Variants in NBEA observed in about 807,000 individuals in gnomAD.
The protein encoded by NBEA is neurobeachin, also known as lysosomal-trafficking regulator 2.
Under a neutral mutation model 343.4 loss-of-function variants are expected in NBEA, and 44 were observed. That is an observed-to-expected ratio of 0.13 (90% CI 0.10 to 0.16). NBEA has a LOEUF of 0.16. NBEA is among the 10% of genes least tolerant of loss of function. The pLI, the probability that NBEA is intolerant of heterozygous loss-of-function variation, is 1.00. For synonymous variants in NBEA, 1,175 were observed against 1,238.7 expected, an observed-to-expected ratio of 0.95 and a Z score of 1.08; for missense variants, 2,555 against 3,631.3, an observed-to-expected ratio of 0.70 and a Z score of 7.62.
At chr13:35,022,969 A>G (rs886371506) in intron 1 of NBEA, among the ~76,000 whole-genome samples, 1 of 152,184 alleles carries the variant, frequency 6.6e-6, no homozygotes, top group Admixed American at 6.5e-5. Flanking sequence ...AGAAATTAAT[A>G]ACTCAAGAGC....
In NBEA at chr13:35,372,260, G is replaced by T. The variant is rs557766059; in HGVS notation, c.6179+19937G>T. On this transcript the variant is annotated intron_variant, in intron 38 of 58. Transcript: ENST00000379939. The stretch of plus-strand genomic sequence containing the variant: ...GTTGTCTATGCTAGCATTGGCGGTG[G>T]CTGTGACAGGCTGGGTAGGCCTGTC... Among the ~76,000 whole-genome samples the T allele has an allele frequency of 2.6e-5, 4 of 152,300 alleles. No individual in the cohort carries two copies. In the South Asian group the frequency reaches 8.3e-4, roughly 32 times the overall value.
intron 34 of NBEA, among the ~76,000 whole-genome samples, chr13:35,283,061 A>G (rs1022762779): frequency 1.3e-5 from 2 of 152,148 alleles, no homozygotes; most frequent in Non-Finnish European, 2.9e-5. Context: ...TTCAGCTCAT[A>G]TTAAAATCAG....
At chr13:35,362,415 AATT>A (rs2040860119) in intron 38 of NBEA, among the ~76,000 whole-genome samples, 1 of 151,982 alleles carries the variant, frequency 6.6e-6, no homozygotes, top group Admixed American at 6.6e-5. Flanking sequence ...AAAGATTATG[AATT>A]ATTAAGATGA....
intron 41 of NBEA, chr13:35,475,859 G>A (rs1472830161): frequency 6.2e-7 from 1 of 1,614,120 alleles, no homozygotes; most frequent in Non-Finnish European, 8.5e-7. Context: ...CAGCCGGGCA[G>A]TGAGCCATCG....
At chr13:35,523,979 G>A (rs1345832102) in intron 41 of NBEA, among the ~76,000 whole-genome samples, 1 of 151,564 alleles carries the variant, frequency 6.6e-6, no homozygotes, top group East Asian at 1.9e-4. Context: ...AACTTACATT[G>A]GCTTTCTATT....
intron 38 of NBEA, among the ~76,000 whole-genome samples, chr13:35,364,268 G>C (rs981130768): frequency 6.6e-6 from 1 of 151,738 alleles, no homozygotes; most frequent in East Asian, 1.9e-4. Flanking sequence ...TAGTCTATCA[G>C]CAAGTCCAAC....
chr13:35,518,343 T>G (rs1264405039), intron 41 of NBEA, among the ~76,000 whole-genome samples: 1 of 152,232 alleles, frequency 6.6e-6, no homozygotes, highest in Non-Finnish European at 1.5e-5. Flanking sequence ...TAGGTACTAT[T>G]TATCCCCATT....
chr13:34,970,852 T>C (rs183148014), intron 1 of NBEA, among the ~76,000 whole-genome samples: 24 of 152,298 alleles, frequency 1.6e-4, no homozygotes, highest in Admixed American at 1.4e-3. Flanking sequence ...CTCTGGCTAT[T>C]CAGGCTCTTT....
intron 18 of NBEA, among the ~76,000 whole-genome samples, chr13:35,153,771 T>C (rs1456488296): frequency 6.6e-6 from 1 of 152,192 alleles, no homozygotes; most frequent in Non-Finnish European, 1.5e-5. Context: ...ACTTTAACTA[T>C]CACGGGAGAG....
At chr13:35,155,085 G>A (rs1192584548) in intron 18 of NBEA, among the ~76,000 whole-genome samples, 1 of 137,694 alleles carries the variant, frequency 7.3e-6, no homozygotes, top group Non-Finnish European at 1.5e-5. Context: ...AGCCATGATT[G>A]TGCCGCTGCA....
chr13:35,232,980 A>C (rs893221461), intron 34 of NBEA, among the ~76,000 whole-genome samples: 4 of 152,108 alleles, frequency 2.6e-5, no homozygotes, highest in African/African-American at 9.7e-5. Context: ...TGCACCTTTA[A>C]GTGATTTTTC....
At chr13:34,947,518 A>G (rs1040077478) in intron 1 of NBEA, among the ~76,000 whole-genome samples, 3 of 152,136 alleles carry the variant, frequency 2.0e-5, no homozygotes, top group Admixed American at 6.5e-5. Context: ...TATACTGAAC[A>G]TATTGTTATG....
chr13:35,470,472 C>T (rs189567394), intron 40 of NBEA, among the ~76,000 whole-genome samples: 2 of 152,060 alleles, frequency 1.3e-5, no homozygotes, highest in South Asian at 2.1e-4. Flanking sequence ...TTATTTGTCT[C>T]CAAATGCCAG....
At chr13:35,492,543 T>C (rs1426632700) in intron 41 of NBEA, among the ~76,000 whole-genome samples, 1 of 151,902 alleles carries the variant, frequency 6.6e-6, no homozygotes, top group Non-Finnish European at 1.5e-5. Context: ...AATGGTATCA[T>C]TGTCTTGAGG....
At chr13:35,260,290 A>G (rs902387511) in intron 34 of NBEA, among the ~76,000 whole-genome samples, 14 of 152,262 alleles carry the variant, frequency 9.2e-5, no homozygotes, top group African/African-American at 2.9e-4. Flanking sequence ...AGAAAATTCT[A>G]AAAGACATAC....
At chr13:35,347,340 G>C (rs970305854) in intron 36 of NBEA, among the ~76,000 whole-genome samples, 2 of 151,834 alleles carry the variant, frequency 1.3e-5, no homozygotes, top group African/African-American at 2.4e-5. Flanking sequence ...TCATTAATGA[G>C]CAGTGAAAAA....
intron 53 of NBEA, among the ~76,000 whole-genome samples, chr13:35,653,214 G>C (rs1010276416): frequency 6.6e-6 from 1 of 151,624 alleles, no homozygotes; most frequent in Non-Finnish European, 1.5e-5. Flanking sequence ...TTTTAATAAT[G>C]TTTGTTCTAT....
chr13:35,236,868 T>A (rs1274668323), intron 34 of NBEA, among the ~76,000 whole-genome samples: 1 of 152,096 alleles, frequency 6.6e-6, no homozygotes, highest in African/African-American at 2.4e-5. Flanking sequence ...GTATTTTACT[T>A]ACATAATATT....
At chr13:35,634,014 A>G (rs2083587041) in intron 49 of NBEA, among the ~76,000 whole-genome samples, 1 of 152,190 alleles carries the variant, frequency 6.6e-6, no homozygotes, top group Admixed American at 6.5e-5. Flanking sequence ...AATTAGTATT[A>G]GCATTTATAT....
Sources: allele counts gnomAD v4.1 joint callset (sites outside exome capture counted in the v4.1 genomes callset), GRCh38; gene constraint gnomAD v4.1.1; transcripts MANE v1.5; gene names NCBI Gene and HGNC (gene_info 2026-07-23, HGNC 2026-07-21).